ARMC2: variants seen among roughly 807,000 people sequenced by gnomAD.
The protein encoded by ARMC2 is armadillo repeat-containing protein 2.
A neutral mutation model predicts 90.3 loss-of-function variants in ARMC2; 67 were observed. The ratio of observed to expected loss-of-function variants is 0.74; its 90% CI spans 0.61 to 0.91. The LOEUF is 0.91. ARMC2 is among the 40% of genes least tolerant of loss of function. The pLI, the probability that ARMC2 is intolerant of heterozygous loss-of-function variation, is 0.00. For missense variants in ARMC2, 920 were observed against 1,030.9 expected, an observed-to-expected ratio of 0.89 and a Z score of 1.47; for synonymous variants, 393 against 393.0, an observed-to-expected ratio of 1.00 and a Z score of 0.00.
In ARMC2 at chr6:108,894,627, T is replaced by A; in HGVS notation, c.748+84T>A. 5 of 1,228,496 alleles carry A rather than the reference T, an allele frequency of 4.1e-6. No individual in the cohort carries two copies. The South Asian group carries it at 7.8e-5, about 19-fold the overall frequency. 76.1% of individuals were successfully genotyped at this position (1,228,496 alleles called of 1,614,324 possible). A position where few individuals can be genotyped will look rare whatever the true frequency, so the allele number is the denominator to read the frequency against. ...CACTGAAGATATCTATGTTGGCCACTGGAAACTTAAGGAAGTTTGTCCAAT... is the reference window on the plus strand; with the variant it reads ...CACTGAAGATATCTATGTTGGCCACAGGAAACTTAAGGAAGTTTGTCCAAT... On this transcript the variant is annotated intron_variant, in intron 6 of 17. Coordinates refer to ENST00000392644, the MANE Select transcript of ARMC2 (RefSeq NM_032131.6).
chr6:109,024,724 T>C, the ARMC2 span, among the ~76,000 whole-genome samples: 1 of 152,144 alleles, frequency 6.6e-6, no homozygotes, highest in Admixed American at 6.5e-5. Context: ...TCTGGCAACA[T>C]GGTAGAGTAT....
chr6:108,880,860 C>CT (rs1430681603), intron 5 of ARMC2, among the ~76,000 whole-genome samples: 8 of 144,552 alleles, frequency 5.5e-5, no homozygotes, highest in South Asian at 2.2e-4. Flanking sequence ...CTTTTTTTCT[C>CT]TTTTTTTTCT....
intron 8 of ARMC2, among the ~76,000 whole-genome samples, chr6:108,909,321 C>T (rs1256502437): frequency 1.3e-5 from 2 of 151,610 alleles, no homozygotes; most frequent in East Asian, 1.9e-4. Flanking sequence ...TATTGATGTC[C>T]CACAATTTAA....
chr6:108,912,336 A>G lies in ARMC2; in HGVS notation c.1128A>G (p.Glu376=). 1.3e-6 allele frequency: 2 copies of G among 1,584,204 alleles called. No homozygotes were observed. The part of the protein sequence containing the change: ...DSLIQNDSIL[E]SLLEVLRSED... The stretch of plus-strand genomic sequence containing the variant: ...TATAATAATTAATCTTTTTGACAGA[A>G]TCATTATTGGAGGTACTAAGAAGTG... Residue 376 remains glutamate (E), a splice_region_variant and synonymous_variant, in exon 10 of 18, where the codon GAA becomes GAG. Transcript: ENST00000392644.
At chr6:108,865,035 G>C (rs1024709300) in intron 3 of ARMC2, among the ~76,000 whole-genome samples, 16 of 136,182 alleles carry the variant, frequency 1.2e-4, no homozygotes, top group South Asian at 1.1e-3. Context: ...GTCTCCCTCT[G>C]TCACCTGGGC....
chr6:108,971,459 G>C (rs1778759678), intron 17 of ARMC2, among the ~76,000 whole-genome samples: 1 of 152,176 alleles, frequency 6.6e-6, no homozygotes, highest in Non-Finnish European at 1.5e-5. Flanking sequence ...TGTGATGAGA[G>C]GAAGGTACAA....
chr6:109,035,197 C>G, the ARMC2 span, among the ~76,000 whole-genome samples: 1 of 152,044 alleles, frequency 6.6e-6, no homozygotes, highest in African/African-American at 2.4e-5. Flanking sequence ...CCTAGAAGTT[C>G]AACTCCAAAA....
At chr6:108,954,831 G>T (rs1236201530) in intron 13 of ARMC2, among the ~76,000 whole-genome samples, 1 of 152,158 alleles carries the variant, frequency 6.6e-6, no homozygotes, top group East Asian at 1.9e-4. Context: ...CATTTATTCT[G>T]CTCAGGCTGC....
chr6:108,857,802 T>C (rs1397316487), intron 2 of ARMC2, among the ~76,000 whole-genome samples: 2 of 152,224 alleles, frequency 1.3e-5, no homozygotes, highest in East Asian at 3.8e-4. Context: ...ATAGATTACA[T>C]TGATTGATTT....
chr6:108,915,187 C>T (rs1299663335), intron 10 of ARMC2, among the ~76,000 whole-genome samples: 1 of 152,130 alleles, frequency 6.6e-6, no homozygotes, highest in Non-Finnish European at 1.5e-5. Context: ...AACTCATGAC[C>T]TCAGGTGATC....
the ARMC2 span, among the ~76,000 whole-genome samples, chr6:109,042,307 A>T: frequency 9.9e-5 from 15 of 151,996 alleles, no homozygotes; most frequent in Non-Finnish European, 1.0e-4. Context: ...GGGAAAGAAG[A>T]GCAGTATAAA....
intron 10 of ARMC2, among the ~76,000 whole-genome samples, chr6:108,915,244 C>T (rs1247353855): frequency 6.6e-6 from 1 of 152,156 alleles, no homozygotes; most frequent in Non-Finnish European, 1.5e-5. Flanking sequence ...GTGTGAGTTA[C>T]TGTGCCTGGC....
At chr6:108,902,023 G>T (rs1772211754) in intron 7 of ARMC2, among the ~76,000 whole-genome samples, 1 of 152,222 alleles carries the variant, frequency 6.6e-6, no homozygotes, top group South Asian at 2.1e-4. Flanking sequence ...AGCACCTCCT[G>T]CCAGGAGTAC....
Position 108,901,478 on chromosome 6 carries a change from C to A in ARMC2, c.847+1686C>A, listed in dbSNP as rs547330405. Among the ~76,000 whole-genome samples, 2 of 151,326 alleles carry A rather than the reference C, an allele frequency of 1.3e-5. 1 individual carries two copies. The highest frequency in any genetic ancestry group is 4.2e-4 in the South Asian group (2 of 4,816). ...TTGCCCAGGCTGGAGTGCAGTGGCA[C>A]GATCTCAGCTCACTGCAACCTCCAT... On this transcript the variant is annotated intron_variant, in intron 7 of 17. Coordinates refer to ENST00000392644, the MANE Select transcript of ARMC2 (RefSeq NM_032131.6).
At chr6:108,984,603 CACAA>C in the ARMC2 span, among the ~76,000 whole-genome samples, 1 of 152,146 alleles carries the variant, frequency 6.6e-6, no homozygotes, top group Non-Finnish European at 1.5e-5. Context: ...TAGGGGAAGA[CACAA>C]ACATTCAGCC....
intron 8 of ARMC2, among the ~76,000 whole-genome samples, chr6:108,905,081 T>C (rs573104481): frequency 6.6e-6 from 1 of 152,368 alleles, no homozygotes; most frequent in Admixed American, 6.5e-5. Context: ...AAGCCACAAT[T>C]ATTATAGAAT....
chr6:108,879,082 TACCCACCCATCTGTCATCC>T (rs1777219711), intron 5 of ARMC2, among the ~76,000 whole-genome samples: 1 of 146,106 alleles, frequency 6.8e-6, no homozygotes, highest in South Asian at 2.3e-4. Context: ...TCCGTCTACC[TACCCACCCATCTGTCATCC>T]ACCCATCCAT....
intron 6 of ARMC2, among the ~76,000 whole-genome samples, chr6:108,898,638 G>A (rs1771840710): frequency 6.6e-6 from 1 of 152,232 alleles, no homozygotes; most frequent in Non-Finnish European, 1.5e-5. Context: ...TCCCCCCAGT[G>A]TTACCCTTTA....
the ARMC2 span, among the ~76,000 whole-genome samples, chr6:108,983,017 C>T: frequency 6.6e-6 from 1 of 151,782 alleles, no homozygotes; most frequent in African/African-American, 2.4e-5. Flanking sequence ...GGGGGTTTTC[C>T]TATGTTGGCC....
Sources: allele counts gnomAD v4.1 joint callset (sites outside exome capture counted in the v4.1 genomes callset), GRCh38; gene constraint gnomAD v4.1.1; transcripts MANE v1.5; gene names NCBI Gene and HGNC (gene_info 2026-07-23, HGNC 2026-07-21).